SCFD2: variants seen among roughly 807,000 people sequenced by gnomAD.
The protein encoded by SCFD2 is sec1 family domain-containing protein 2.
SCFD2 carries 54 observed loss-of-function variants against 58.9 expected under a neutral mutation model. That is an observed-to-expected ratio of 0.92 (90% CI 0.74 to 1.15). The LOEUF is 1.15. Among genes scored for constraint, SCFD2 ranks in the 50% most tolerant of loss-of-function variants. The pLI is 0.00. For missense variants in SCFD2, 805 were observed against 836.6 expected, an observed-to-expected ratio of 0.96 and a Z score of 0.47; for synonymous variants, 321 against 335.9, an observed-to-expected ratio of 0.96 and a Z score of 0.49.
chr4:53,306,052 C>G (rs1732503273), intron 3 of SCFD2, among the ~76,000 whole-genome samples: 1 of 152,064 alleles, frequency 6.6e-6, no homozygotes, highest in Non-Finnish European at 1.5e-5. Flanking sequence ...AGTTCTCAGC[C>G]CCAACTACTC....
chr4:53,233,875 C>T (rs1363276942), intron 4 of SCFD2, among the ~76,000 whole-genome samples: 1 of 147,558 alleles, frequency 6.8e-6, no homozygotes, highest in Non-Finnish European at 1.5e-5. Context: ...TAAAAGCTTA[C>T]TGAGGAGTAA....
intron 4 of SCFD2, among the ~76,000 whole-genome samples, chr4:53,253,889 T>G (rs1475207179): frequency 6.9e-6 from 1 of 144,664 alleles, no homozygotes; most frequent in Non-Finnish European, 1.5e-5. Flanking sequence ...TAAAGTATAA[T>G]TATAAAAAAA....
At chr4:52,984,272 A>T (rs1721441086) in intron 5 of SCFD2, among the ~76,000 whole-genome samples, 1 of 152,224 alleles carries the variant, frequency 6.6e-6, no homozygotes, top group Non-Finnish European at 1.5e-5. Flanking sequence ...GAAGTTGAAC[A>T]TTTACAATAT....
At chr4:53,184,130 A>T (rs1727670142) in intron 4 of SCFD2, among the ~76,000 whole-genome samples, 1 of 152,150 alleles carries the variant, frequency 6.6e-6, no homozygotes, top group African/African-American at 2.4e-5. Flanking sequence ...AGGCCATTGT[A>T]TTGGAGATTG....
At chr4:53,167,422 A>C (rs1435620595) in intron 4 of SCFD2, among the ~76,000 whole-genome samples, 1 of 152,234 alleles carries the variant, frequency 6.6e-6, no homozygotes, top group Non-Finnish European at 1.5e-5. Context: ...AACTGACCCA[A>C]TAGAATTTGA....
intron 4 of SCFD2, among the ~76,000 whole-genome samples, chr4:53,237,512 C>G: frequency 7.2e-5 from 1 of 13,816 alleles, no homozygotes; most frequent in Non-Finnish European, 1.4e-4. Context: ...GCTGGCCGGG[C>G]GGGGGGCTGA....
intron 4 of SCFD2, among the ~76,000 whole-genome samples, chr4:53,237,925 T>C (rs1382815079): frequency 5.0e-3 from 176 of 35,162 alleles, no homozygotes; most frequent in African/African-American, 5.9e-3. Flanking sequence ...CCACCTCCCT[T>C]CCGGACGGGG....
chr4:52,908,064 C>T (rs1719390825), intron 6 of SCFD2, among the ~76,000 whole-genome samples: 1 of 152,160 alleles, frequency 6.6e-6, no homozygotes, highest in Admixed American at 6.6e-5. Flanking sequence ...AAAGCAATCC[C>T]TCTTCCTTCT....
At position 52,970,832 on chromosome 4, in the gene SCFD2, G is replaced by A. The variant is rs957048251; in HGVS notation, c.1562-49962C>T. Among the ~76,000 whole-genome samples, 9 of 152,206 alleles carry A rather than the reference G, an allele frequency of 5.9e-5. No homozygotes were observed. In the East Asian group the frequency reaches 1.3e-3, roughly 23 times the overall value. On this transcript the variant is annotated intron_variant, in intron 5 of 8. Transcript: ENST00000401642. ...TCTGAGACGAAACTTCCAGAGGAACGATCAGGCAGCAACATTTGCTGCTCA... is the reference window on the plus strand; with the variant it reads ...TCTGAGACGAAACTTCCAGAGGAACAATCAGGCAGCAACATTTGCTGCTCA...
At chr4:53,207,482 A>ATATATATATTTCATATATATATAT (rs1728443575) in intron 4 of SCFD2, among the ~76,000 whole-genome samples, 1 of 13,010 alleles carries the variant, frequency 7.7e-5, no homozygotes, top group African/African-American at 3.0e-4. Context: ...GAAATATATT[A>ATATATATATTTCATATATATATAT]TATATATATT....
chr4:53,296,867 C>T (rs187668468), intron 3 of SCFD2, among the ~76,000 whole-genome samples: 1 of 152,160 alleles, frequency 6.6e-6, no homozygotes, highest in Non-Finnish European at 1.5e-5. Context: ...CAAAGAACAT[C>T]TTTATTTCCG....
At chr4:52,970,514 G>T (rs937372166) in intron 5 of SCFD2, among the ~76,000 whole-genome samples, 2 of 152,220 alleles carry the variant, frequency 1.3e-5, no homozygotes, top group East Asian at 1.9e-4. Context: ...AAACAAAGCT[G>T]CCAGGAAGCT....
chr4:53,027,934 GC>G (rs1173333993), intron 5 of SCFD2, among the ~76,000 whole-genome samples: 1 of 151,648 alleles, frequency 6.6e-6, no homozygotes, highest in African/African-American at 2.4e-5. Flanking sequence ...GACTATGGTA[GC>G]AATATTAAAG....
chr4:53,320,772 A>G (rs1732999785), intron 2 of SCFD2, among the ~76,000 whole-genome samples: 1 of 152,200 alleles, frequency 6.6e-6, no homozygotes, highest in African/African-American at 2.4e-5. Flanking sequence ...TCTTTTTCAC[A>G]AGTCCAGTGA....
At chr4:53,093,577 G>A (rs1448167545) in intron 5 of SCFD2, among the ~76,000 whole-genome samples, 14 of 152,074 alleles carry the variant, frequency 9.2e-5, no homozygotes, top group Non-Finnish European at 1.8e-4. Context: ...AACTTCAATG[G>A]CCACTGTGAG....
At chr4:53,259,782 C>T (rs914635818) in intron 4 of SCFD2, among the ~76,000 whole-genome samples, 4 of 152,086 alleles carry the variant, frequency 2.6e-5, no homozygotes, top group South Asian at 2.1e-4. Context: ...ACAGAAATTG[C>T]ACTGAATTTG....
intron 5 of SCFD2, chr4:52,949,577 A>C (rs1720532840): frequency 6.6e-6 from 1 of 152,142 alleles, no homozygotes; most frequent in Non-Finnish European, 1.5e-5. Flanking sequence ...TCCCACGGAC[A>C]GGAGAGTTTT....
At chr4:52,922,408 A>C (rs1379024781) in intron 5 of SCFD2, among the ~76,000 whole-genome samples, 1 of 151,306 alleles carries the variant, frequency 6.6e-6, no homozygotes, top group Admixed American at 6.6e-5. Flanking sequence ...GGATTTACCT[A>C]TTCTGGACAT....
intron 5 of SCFD2, among the ~76,000 whole-genome samples, chr4:52,942,417 T>C (rs1350284538): frequency 6.6e-5 from 10 of 152,120 alleles, no homozygotes; most frequent in African/African-American, 9.7e-5. Context: ...GTGACTATCT[T>C]AGCTGGAAGT....
Sources: allele counts gnomAD v4.1 joint callset (sites outside exome capture counted in the v4.1 genomes callset), GRCh38; gene constraint gnomAD v4.1.1; transcripts MANE v1.5; gene names NCBI Gene and HGNC (gene_info 2026-07-23, HGNC 2026-07-21).